Variants in ANTXR1 observed in about 807,000 individuals in gnomAD.
ANTXR1 encodes ANTXR cell adhesion molecule 1, also known as anthrax toxin receptor 1.
In ANTXR1, 19 loss-of-function variants were observed where a neutral mutation model predicts 78.1. That is an observed-to-expected ratio of 0.24 (90% CI 0.17 to 0.36). ANTXR1 has a LOEUF of 0.36. Ranked by LOEUF, ANTXR1 falls within the 10% of genes least tolerant of loss-of-function variation. ANTXR1 has a pLI of 1.00. For synonymous variants in ANTXR1, 273 were observed against 260.5 expected, an observed-to-expected ratio of 1.05 and a Z score of -0.46; for missense variants, 518 against 718.6, an observed-to-expected ratio of 0.72 and a Z score of 3.19.
chr2:69,090,957 T>C (rs187291277), intron 9 of ANTXR1, 38 bp downstream of exon 9: 1 of 1,600,482 alleles, frequency 6.2e-7, no homozygotes, highest in Admixed American at 1.7e-5. Context: ...TTCATACAAT[T>C]GATGATATTT....
intron 13 of ANTXR1, among the ~76,000 whole-genome samples, chr2:69,156,615 C>T (rs1673531865): frequency 6.6e-6 from 1 of 152,192 alleles, no homozygotes; most frequent in Admixed American, 6.5e-5. Flanking sequence ...AGGAAGGTTC[C>T]AGTCATGGCT....
In ANTXR1 at chr2:69,240,179, C is replaced by T. The variant is rs766968339; in HGVS notation, c.1435-5046C>T. 2.5e-3 allele frequency among the ~76,000 whole-genome samples: 384 copies of T among 152,356 alleles called. 2 individuals carry two copies. The highest frequency in any genetic ancestry group is 4.2e-3 in the Non-Finnish European group (284 of 68,034). Reference sequence around the variant, plus strand: ...AATCAGAGCTTTCTAAGACATCTTGCTGCACCTCGGAGCTCCGGTGTGTGA... The same window carrying T: ...AATCAGAGCTTTCTAAGACATCTTGTTGCACCTCGGAGCTCCGGTGTGTGA... On this transcript the variant is annotated intron_variant, in intron 17 of 17. Coordinates refer to ENST00000303714, the MANE Select transcript of ANTXR1 (RefSeq NM_032208.3).
intron 10 of ANTXR1, among the ~76,000 whole-genome samples, chr2:69,116,848 C>G (rs1451345839): frequency 6.6e-6 from 1 of 152,164 alleles, no homozygotes; most frequent in Admixed American, 6.5e-5. Flanking sequence ...TTAATCCACC[C>G]TTATAAAAAG....
At chr2:69,062,209 T>C (rs1407283240) in intron 3 of ANTXR1, among the ~76,000 whole-genome samples, 1 of 152,116 alleles carries the variant, frequency 6.6e-6, no homozygotes, top group Admixed American at 6.5e-5. Flanking sequence ...GGCTTTAGAA[T>C]CTGAAATGAA....
chr2:69,070,570 G>T, intron 3 of ANTXR1, 77 bp from the exon 4 acceptor site: 1 of 1,347,310 alleles, frequency 7.4e-7, no homozygotes, highest in East Asian at 2.3e-5. Flanking sequence ...GAGGTAAGAA[G>T]AAGACTAGTA....
intron 13 of ANTXR1, among the ~76,000 whole-genome samples, chr2:69,159,563 GC>G (rs1370252095): frequency 6.6e-6 from 1 of 151,938 alleles, no homozygotes; most frequent in Admixed American, 6.6e-5. Flanking sequence ...TGCTTTTAAA[GC>G]TGCAATTTTT....
At chr2:69,202,990 A>T (rs1674811430) in intron 17 of ANTXR1, among the ~76,000 whole-genome samples, 1 of 152,194 alleles carries the variant, frequency 6.6e-6, no homozygotes, top group Admixed American at 6.5e-5. Context: ...TCTCAGAATT[A>T]TTTTATGTTC....
intron 8 of ANTXR1, among the ~76,000 whole-genome samples, chr2:69,090,487 C>A (rs958840710): frequency 6.6e-6 from 1 of 152,098 alleles, no homozygotes; most frequent in Non-Finnish European, 1.5e-5. Flanking sequence ...ACTCTTTCAC[C>A]CTTGCACCTA....
At chr2:69,112,256 A>G (rs1487738611) in intron 10 of ANTXR1, among the ~76,000 whole-genome samples, 1 of 152,104 alleles carries the variant, frequency 6.6e-6, no homozygotes, top group Non-Finnish European at 1.5e-5. Flanking sequence ...CCGCAGCCCA[A>G]AGAGGGAGGA....
intron 17 of ANTXR1, among the ~76,000 whole-genome samples, chr2:69,240,421 C>T (rs1323188556): frequency 6.6e-6 from 1 of 152,232 alleles, no homozygotes; most frequent in African/African-American, 2.4e-5. Context: ...AGCTGGACAT[C>T]TTGCAAGAAA....
At chr2:69,106,986 T>G (rs1008536196) in intron 10 of ANTXR1, among the ~76,000 whole-genome samples, 3 of 152,252 alleles carry the variant, frequency 2.0e-5, no homozygotes, top group South Asian at 4.1e-4. Context: ...GCAGAAGAAC[T>G]GAGTATAAAT....
chr2:69,114,151 G>C (rs1343946445), intron 10 of ANTXR1, among the ~76,000 whole-genome samples: 1 of 152,166 alleles, frequency 6.6e-6, no homozygotes, highest in Non-Finnish European at 1.5e-5. Context: ...TTCTGAAATA[G>C]TATTTCCCAA....
At chr2:69,179,044 CA>C (rs1674205859) in intron 14 of ANTXR1, among the ~76,000 whole-genome samples, 1 of 152,144 alleles carries the variant, frequency 6.6e-6, no homozygotes, top group Non-Finnish European at 1.5e-5. Flanking sequence ...CTTTCAGAGC[CA>C]TATTTTGTAT....
chr2:69,238,421 CATAA>C (rs1675822420), intron 17 of ANTXR1, among the ~76,000 whole-genome samples: 2 of 152,202 alleles, frequency 1.3e-5, no homozygotes, highest in African/African-American at 2.4e-5. Context: ...AGGATAAATG[CATAA>C]ATAAATTAAC....
In ANTXR1 at chr2:69,222,141, T is replaced by A. The variant is rs747987017; in HGVS notation, c.1435-23084T>A. 6.0e-4 allele frequency among the ~76,000 whole-genome samples: 91 copies of A among 152,174 alleles called. 1 individual carries two copies. The highest frequency in any genetic ancestry group is 1.6e-4 in the Non-Finnish European group (11 of 68,018). Reference sequence around the variant, plus strand: ...TGGCCCAGGTCTCCCAGGACACTCATTTGCAAGTTCACCATTGTTAAAAAT... The same window carrying A: ...TGGCCCAGGTCTCCCAGGACACTCAATTGCAAGTTCACCATTGTTAAAAAT... On this transcript the variant is annotated intron_variant, in intron 17 of 17. Transcript: ENST00000303714.
At chr2:69,131,809 G>T (rs1012578287) in intron 12 of ANTXR1, among the ~76,000 whole-genome samples, 7 of 152,142 alleles carry the variant, frequency 4.6e-5, no homozygotes, top group African/African-American at 1.7e-4. Context: ...CTTCAGAAAA[G>T]GATGGCCAGC....
chr2:69,110,322 A>G (rs1029301639), intron 10 of ANTXR1, among the ~76,000 whole-genome samples: 1 of 152,226 alleles, frequency 6.6e-6, no homozygotes, highest in Admixed American at 6.5e-5. Flanking sequence ...AGACTTGGCC[A>G]CAAGGATATT....
intron 1 of ANTXR1, among the ~76,000 whole-genome samples, chr2:69,026,727 G>T (rs962539865): frequency 1.3e-5 from 2 of 152,120 alleles, no homozygotes; most frequent in African/African-American, 4.8e-5. Context: ...ATGAGCTGAG[G>T]GGCTTAATGG....
At chr2:69,120,674 G>GATAATA in intron 10 of ANTXR1, among the ~76,000 whole-genome samples, 1 of 151,474 alleles carries the variant, frequency 6.6e-6, no homozygotes, top group East Asian at 1.9e-4. Flanking sequence ...AGAAAAAAAA[G>GATAATA]ATAATAATAA....
Sources: gnomAD v4.1 joint callset for allele counts (sites outside exome capture counted in the v4.1 genomes callset) on GRCh38, gnomAD v4.1.1 for gene constraint, MANE v1.5 for transcripts, NCBI Gene and HGNC (gene_info 2026-07-23, HGNC 2026-07-21) for gene names.